The following ERBB4 variants were observed in gnomAD, a reference collection of about 807,000 sequenced individuals.
ERBB4 encodes erb-b2 receptor tyrosine kinase 4, also known as receptor tyrosine-protein kinase erbB-4.
ERBB4 carries 42 observed loss-of-function variants against 158.0 expected under a neutral mutation model. The observed-to-expected ratio is 0.27, with a 90% CI of 0.21 to 0.34. The LOEUF is 0.34. ERBB4 is among the 10% of genes least tolerant of loss of function. The pLI is 1.00. For synonymous variants in ERBB4, 583 were observed against 558.7 expected (o/e 1.04, Z -0.61); for missense variants, 1,333 against 1,624.1 (o/e 0.82, Z 3.08).
chr2:212,103,180 C>A (rs148851171), intron 2 of ERBB4, among the ~76,000 whole-genome samples: 63 of 152,170 alleles, frequency 4.1e-4, no homozygotes, highest in African/African-American at 1.5e-3. Flanking sequence ...TCCTCCTGCC[C>A]CAAAGAGTTA....
chr2:212,407,651 T>C (rs189461184), intron 1 of ERBB4, among the ~76,000 whole-genome samples: 1 of 152,240 alleles, frequency 6.6e-6, no homozygotes, highest in East Asian at 1.9e-4. Context: ...ATATATGCAT[T>C]TACTTGGGTA....
At chr2:211,425,374 T>TATTC (rs1476045541) in intron 22 of ERBB4, among the ~76,000 whole-genome samples, 2,130 of 120,370 alleles carry the variant, frequency 0.018, 54 homozygotes, top group African/African-American at 0.12. Flanking sequence ...CTATGTGGAA[T>TATTC]TTAAAATTAT....
At chr2:212,055,919 C>T (rs2077550710) in intron 2 of ERBB4, among the ~76,000 whole-genome samples, 1 of 152,230 alleles carries the variant, frequency 6.6e-6, no homozygotes, top group Non-Finnish European at 1.5e-5. Context: ...TGGAACAAAG[C>T]TGGATGGAGA....
intron 20 of ERBB4, among the ~76,000 whole-genome samples, chr2:211,534,132 G>A (rs184866692): frequency 7.9e-4 from 120 of 152,148 alleles, no homozygotes; most frequent in African/African-American, 2.6e-3. Context: ...GTAGGAATCC[G>A]TTGCTATCAG....
chr2:211,929,561 C>A (rs2080116419), intron 3 of ERBB4, among the ~76,000 whole-genome samples: 2 of 152,038 alleles, frequency 1.3e-5, no homozygotes. Context: ...TGTTTCAGTG[C>A]CATGTTGATA....
chr2:212,009,186 C>T (rs1251538863), intron 2 of ERBB4, among the ~76,000 whole-genome samples: 1 of 151,918 alleles, frequency 6.6e-6, no homozygotes, highest in East Asian at 1.9e-4. Flanking sequence ...CTACCTGGAA[C>T]CCATGAATGT....
chr2:212,136,255 A>G (rs578038732), intron 1 of ERBB4, among the ~76,000 whole-genome samples: 1 of 152,346 alleles, frequency 6.6e-6, no homozygotes, highest in East Asian at 1.9e-4. Context: ...CACATTAAGA[A>G]ATGGACTATG....
chr2:212,481,846 A>G (rs965690422), intron 1 of ERBB4, among the ~76,000 whole-genome samples: 4 of 152,238 alleles, frequency 2.6e-5, no homozygotes, highest in Non-Finnish European at 5.9e-5. Context: ...ATTTTCATCC[A>G]TATATTTCCA....
intron 2 of ERBB4, among the ~76,000 whole-genome samples, chr2:211,955,382 T>C (rs913191938): frequency 2.6e-5 from 4 of 152,042 alleles, no homozygotes; most frequent in Non-Finnish European, 5.9e-5. Context: ...TTTTTGTCCT[T>C]TATATTTTCC....
In ERBB4 at chr2:212,143,671, T is replaced by G. The variant is rs193229024; in HGVS notation, c.83-18768A>C. ...AGAAAAAGTGGGAGTGAATAATATC[T>G]TCAATGGACTCTACTACAAGCCTCT... On this transcript the variant is annotated intron_variant, in intron 1 of 27. Coordinates refer to ENST00000342788, the MANE Select transcript of ERBB4 (RefSeq NM_005235.3). 9.5e-4 allele frequency among the ~76,000 whole-genome samples: 144 copies of G among 152,248 alleles called. 1 individual carries two copies. The highest frequency in any genetic ancestry group is 9.7e-4 in the East Asian group (5 of 5,176).
intron 19 of ERBB4, among the ~76,000 whole-genome samples, chr2:211,618,816 T>A (rs2069488231): frequency 6.6e-6 from 1 of 152,128 alleles, no homozygotes. Context: ...ATGCAATTGG[T>A]TTTCCGTTGA....
At position 211,383,585 on chromosome 2, in the gene ERBB4, G is replaced by A. The variant is rs2125307375; in HGVS notation, c.*30C>T. 6.3e-7 allele frequency: 1 copy of A among 1,575,218 alleles called. No individual in the cohort carries two copies. Reference sequence around the variant, plus strand: ...GGGGTGGGGAAATTGGAGCAGGTGTGTCTCTCCACCTAAAAAACCACAACT... The same window carrying A: ...GGGGTGGGGAAATTGGAGCAGGTGTATCTCTCCACCTAAAAAACCACAACT... On this transcript the variant is annotated 3_prime_UTR_variant, in exon 28 of 28. Coordinates refer to ENST00000342788, the MANE Select transcript of ERBB4 (RefSeq NM_005235.3).
intron 1 of ERBB4, among the ~76,000 whole-genome samples, chr2:212,475,264 G>A (rs1689327580): frequency 6.6e-6 from 1 of 152,124 alleles, no homozygotes; most frequent in African/African-American, 2.4e-5. Context: ...GCTCTCAGTT[G>A]TTCTCTGCTC....
At chr2:212,252,640 A>G (rs1298589433) in intron 1 of ERBB4, among the ~76,000 whole-genome samples, 2 of 152,094 alleles carry the variant, frequency 1.3e-5, no homozygotes, top group Non-Finnish European at 2.9e-5. Flanking sequence ...TAGCCAGGGG[A>G]AAAATTGGGG....
intron 2 of ERBB4, among the ~76,000 whole-genome samples, chr2:212,072,880 T>C (rs2078164813): frequency 6.6e-6 from 1 of 151,944 alleles, no homozygotes; most frequent in South Asian, 2.1e-4. Flanking sequence ...TGAGTGAGTA[T>C]CTGGAAGTTG....
chr2:211,651,953 TGTTTG>T (rs1316335079), intron 16 of ERBB4, among the ~76,000 whole-genome samples: 5 of 152,212 alleles, frequency 3.3e-5, no homozygotes, highest in Non-Finnish European at 5.9e-5. Context: ...TGTTTTGTTT[TGTTTG>T]TTTATTATAC....
chr2:211,910,944 A>T (rs1188114196), intron 3 of ERBB4, among the ~76,000 whole-genome samples: 2 of 152,156 alleles, frequency 1.3e-5, no homozygotes, highest in African/African-American at 4.8e-5. Flanking sequence ...TTCATACTTG[A>T]CAAAACAGAA....
rs936928237 is a variant in ERBB4 at position 211,752,628 on chromosome 2, C to A, written c.557-1924G>T. On this transcript the variant is annotated intron_variant, in intron 4 of 27. Transcript: ENST00000342788. Reference sequence around the variant, plus strand: ...AATTCATATTAGACATTTTTATATTCTCAATGTTTTTCTCTTACTCGATTA... The same window carrying A: ...AATTCATATTAGACATTTTTATATTATCAATGTTTTTCTCTTACTCGATTA... Among the ~76,000 whole-genome samples the A allele has an allele frequency of 2.0e-5, 3 of 151,888 alleles. No homozygotes were observed. The East Asian group carries it at 5.8e-4, about 29-fold the overall frequency.
intron 1 of ERBB4, among the ~76,000 whole-genome samples, chr2:212,134,686 T>C (rs2080216131): frequency 1.4e-5 from 2 of 138,164 alleles, no homozygotes; most frequent in Admixed American, 1.4e-4. Flanking sequence ...CTTTTTTTTT[T>C]TTTTTTTTTT....
Sources: allele counts gnomAD v4.1 joint callset (sites outside exome capture counted in the v4.1 genomes callset), GRCh38; gene constraint gnomAD v4.1.1; transcripts MANE v1.5; gene names NCBI Gene and HGNC (gene_info 2026-07-23, HGNC 2026-07-21).